The following RIT2 variants were observed in gnomAD, a reference collection of about 807,000 sequenced individuals.
RIT2 encodes Ras like without CAAX 2, also known as GTP-binding protein Rit2.
RIT2 carries 24 observed loss-of-function variants against 23.7 expected under a neutral mutation model. The observed-to-expected ratio is 1.01, with a 90% CI of 0.73 to 1.43. The LOEUF (loss-of-function observed/expected upper bound fraction) is 1.43, where lower values mean the gene tolerates loss of function less well. Ranked by LOEUF, RIT2 falls within the 40% of genes most tolerant of loss-of-function variation. The pLI is 0.00. For missense variants in RIT2, 236 were observed against 266.9 expected (o/e 0.88, Z 0.81); for synonymous variants, 107 against 91.1 (o/e 1.17, Z -0.99).
At chr18:43,066,331 A>T (rs1352126636) in intron 1 of RIT2, among the ~76,000 whole-genome samples, 1 of 152,180 alleles carries the variant, frequency 6.6e-6, no homozygotes, top group African/African-American at 2.4e-5. Flanking sequence ...AAATCCATAG[A>T]AAAATTGCAA....
At chr18:43,068,334 A>G (rs879666853) in intron 1 of RIT2, among the ~76,000 whole-genome samples, 4 of 152,192 alleles carry the variant, frequency 2.6e-5, no homozygotes, top group Non-Finnish European at 5.9e-5. Context: ...CAGGCTTGGG[A>G]AAGCTGACTT....
intron 4 of RIT2, among the ~76,000 whole-genome samples, chr18:42,772,412 A>G (rs1446870610): frequency 6.6e-6 from 1 of 152,204 alleles, no homozygotes; most frequent in Admixed American, 6.5e-5. Flanking sequence ...AGTTTTATTA[A>G]GAATTCCCTC....
chr18:43,099,742 G>T (rs1459958882), intron 1 of RIT2, among the ~76,000 whole-genome samples: 1 of 151,922 alleles, frequency 6.6e-6, no homozygotes, highest in Non-Finnish European at 1.5e-5. Flanking sequence ...AATCTTGCAG[G>T]GTTTTTTTCT....
intron 4 of RIT2, among the ~76,000 whole-genome samples, chr18:42,892,207 G>T (rs913750764): frequency 4.6e-5 from 7 of 152,062 alleles, no homozygotes; most frequent in African/African-American, 7.2e-5. Context: ...TTCCTACCTA[G>T]AGTACTAATT....
At chr18:42,785,020 TGTA>T (rs1913892659) in intron 4 of RIT2, among the ~76,000 whole-genome samples, 1 of 152,150 alleles carries the variant, frequency 6.6e-6, no homozygotes, top group African/African-American at 2.4e-5. Context: ...AATTTTAAAA[TGTA>T]GTTATACATA....
rs1388901071 is a variant in RIT2 at position 42,762,530 on chromosome 18, A to G, written c.427-18810T>C. Among the ~76,000 whole-genome samples the G allele has an allele frequency of 2.6e-5, 4 of 152,220 alleles. No homozygotes were observed. In the East Asian group the frequency reaches 7.7e-4, roughly 29 times the overall value. ...CCACACCAGATATTAAAGGTTTTTTAAACTATGCTTGATACTCCCTCTGAT... is the reference window on the plus strand; with the variant it reads ...CCACACCAGATATTAAAGGTTTTTTGAACTATGCTTGATACTCCCTCTGAT... On this transcript the variant is annotated intron_variant, in intron 4 of 4. Transcript: ENST00000326695.
chr18:43,105,181 A>T (rs1281599051), intron 1 of RIT2, among the ~76,000 whole-genome samples: 3 of 151,326 alleles, frequency 2.0e-5, no homozygotes, highest in Non-Finnish European at 2.9e-5. Flanking sequence ...ATTAGGATGA[A>T]TAAAGGGATT....
intron 4 of RIT2, among the ~76,000 whole-genome samples, chr18:42,922,634 G>A (rs1909080805): frequency 1.3e-5 from 2 of 152,094 alleles, no homozygotes; most frequent in South Asian, 4.1e-4. Flanking sequence ...GAGATCTCAG[G>A]GAGGAAGCCA....
chr18:42,991,054 A>G (rs1352457968), intron 2 of RIT2, among the ~76,000 whole-genome samples: 1 of 152,090 alleles, frequency 6.6e-6, no homozygotes, highest in Non-Finnish European at 1.5e-5. Flanking sequence ...TCAGATATAA[A>G]TAATAAAAAG....
intron 1 of RIT2, among the ~76,000 whole-genome samples, chr18:43,082,268 A>G (rs1327327048): frequency 6.6e-6 from 1 of 151,652 alleles, no homozygotes; most frequent in Non-Finnish European, 1.5e-5. Flanking sequence ...TATTGTGTCT[A>G]TTGGATTCAC....
chr18:43,059,865 G>A (rs1484630115), intron 1 of RIT2, among the ~76,000 whole-genome samples: 1 of 152,022 alleles, frequency 6.6e-6, no homozygotes, highest in East Asian at 1.9e-4. Flanking sequence ...TTAACTAGCA[G>A]GTTCTGGACA....
At chr18:43,057,831 A>G (rs1438542442) in intron 1 of RIT2, among the ~76,000 whole-genome samples, 2 of 116,406 alleles carry the variant, frequency 1.7e-5, no homozygotes, top group Non-Finnish European at 3.6e-5. Context: ...CTAAGGCAGA[A>G]CAAGATGTAG....
intron 2 of RIT2, among the ~76,000 whole-genome samples, chr18:42,975,645 T>C (rs947555544): frequency 2.6e-5 from 4 of 152,026 alleles, no homozygotes; most frequent in Non-Finnish European, 2.9e-5. Flanking sequence ...GGGTCTGTAG[T>C]TGGGACAACA....
Position 43,069,068 on chromosome 18 carries a change from C to T in RIT2, c.104-35201G>A, listed in dbSNP as rs560201105. On this transcript the variant is annotated intron_variant, in intron 1 of 4. Coordinates refer to ENST00000326695, the MANE Select transcript of RIT2 (RefSeq NM_002930.4). ...CAGACTCAGGAATGTCCTGATATCC[C>T]GAAATCTTGAGAACAGAAGCATTCT... Among the ~76,000 whole-genome samples, 28 of 152,048 alleles carry T rather than the reference C, an allele frequency of 1.8e-4. 1 individual carries two copies. The highest frequency in any genetic ancestry group is 3.5e-4 in the Non-Finnish European group (24 of 68,004).
At chr18:42,855,717 A>C (rs1907163002) in intron 4 of RIT2, among the ~76,000 whole-genome samples, 1 of 152,224 alleles carries the variant, frequency 6.6e-6, no homozygotes, top group African/African-American at 2.4e-5. Flanking sequence ...GATAATAGTT[A>C]CAGAATGTAA....
At chr18:42,758,209 GA>G (rs148568877) in intron 4 of RIT2, among the ~76,000 whole-genome samples, 3 of 149,916 alleles carry the variant, frequency 2.0e-5, no homozygotes, top group Non-Finnish European at 3.0e-5. Context: ...GAAAGGATTA[GA>G]AAAAAAAAGA....
intron 1 of RIT2, among the ~76,000 whole-genome samples, chr18:43,037,145 A>G (rs1209471404): frequency 6.6e-6 from 1 of 152,168 alleles, no homozygotes; most frequent in Non-Finnish European, 1.5e-5. Flanking sequence ...TCTATCTTTT[A>G]CTCCCAAAAC....
chr18:42,953,079 T>G (rs1234952395), intron 3 of RIT2, among the ~76,000 whole-genome samples: 1 of 151,866 alleles, frequency 6.6e-6, no homozygotes, highest in Non-Finnish European at 1.5e-5. Flanking sequence ...ACAAAATCAG[T>G]CTCATTCATT....
intron 4 of RIT2, among the ~76,000 whole-genome samples, chr18:42,754,167 C>T (rs73482700): frequency 0.017 from 2,651 of 152,224 alleles, 70 homozygotes; most frequent in African/African-American, 0.058. Flanking sequence ...TAGCACGTCC[C>T]TCTTTTAGGA....
Sources: gnomAD v4.1 joint callset for allele counts (sites outside exome capture counted in the v4.1 genomes callset) on GRCh38, gnomAD v4.1.1 for gene constraint, MANE v1.5 for transcripts, NCBI Gene and HGNC (gene_info 2026-07-23, HGNC 2026-07-21) for gene names.